CPXM2: variants seen among roughly 807,000 people sequenced by gnomAD.
CPXM2 encodes the protein carboxypeptidase X, M14 family member 2.
Under a neutral mutation model 86.1 loss-of-function variants are expected in CPXM2, and 66 were observed. The ratio of observed to expected loss-of-function variants is 0.77; its 90% confidence interval spans 0.63 to 0.94. The LOEUF is 0.94. Ranked by LOEUF, CPXM2 falls within the 40% of genes least tolerant of loss-of-function variation. The probability of loss-of-function intolerance (pLI) is 0.00; values close to 1 mark genes in which losing one functional copy is unlikely to be tolerated. For missense variants in CPXM2, 948 were observed against 1,026.3 expected (o/e 0.92, Z 1.04); for synonymous variants, 388 against 400.2 (o/e 0.97, Z 0.36).
At chr10:123,875,515 A>G (rs1419487902) in intron 2 of CPXM2, among the ~76,000 whole-genome samples, 5 of 152,224 alleles carry the variant, frequency 3.3e-5, no homozygotes, top group African/African-American at 9.7e-5. Context: ...GGAAGACCCA[A>G]CTTCGCCCCA....
chr10:123,862,861 G>A (rs559046729), intron 2 of CPXM2, 138 bp from the exon 3 acceptor site: 260 of 708,516 alleles, frequency 3.7e-4, no homozygotes, highest in Non-Finnish European at 5.7e-4. Flanking sequence ...TTCCAGACAC[G>A]GTTGATTGAA....
chr10:123,897,426 G>A (rs542113805), intron 2 of CPXM2, among the ~76,000 whole-genome samples: 17 of 152,242 alleles, frequency 1.1e-4, no homozygotes, highest in African/African-American at 4.1e-4. Flanking sequence ...ATTAACAAAT[G>A]ATCGAGTCAG....
At chr10:123,872,043 G>A (rs1944903302) in intron 2 of CPXM2, among the ~76,000 whole-genome samples, 1 of 152,166 alleles carries the variant, frequency 6.6e-6, no homozygotes, top group Non-Finnish European at 1.5e-5. Context: ...AATAAAGGCT[G>A]ACAATATCAA....
At chr10:123,903,616 TA>T (rs1202901171) in intron 2 of CPXM2, among the ~76,000 whole-genome samples, 2 of 152,200 alleles carry the variant, frequency 1.3e-5, no homozygotes, top group African/African-American at 2.4e-5. Flanking sequence ...CTCTCAGGGA[TA>T]GGGGAAGAGG....
At chr10:123,873,444 A>T (rs1944925732) in intron 2 of CPXM2, among the ~76,000 whole-genome samples, 1 of 152,224 alleles carries the variant, frequency 6.6e-6, no homozygotes, top group African/African-American at 2.4e-5. Flanking sequence ...TCCCAAATTG[A>T]TTCGTAAAAT....
At chr10:123,774,357 T>A (rs1564762486) in intron 7 of CPXM2, among the ~76,000 whole-genome samples, 1 of 152,244 alleles carries the variant, frequency 6.6e-6, no homozygotes, top group Non-Finnish European at 1.5e-5. Flanking sequence ...AACCGAATTA[T>A]CCATAAAATG....
intron 6 of CPXM2, among the ~76,000 whole-genome samples, chr10:123,783,898 T>C (rs1846991783): frequency 1.3e-5 from 2 of 152,182 alleles, no homozygotes; most frequent in South Asian, 2.1e-4. Flanking sequence ...ACCTTAGTTA[T>C]GTGGATCGAC....
At chr10:123,797,613 G>A (rs1847361082) in intron 6 of CPXM2, among the ~76,000 whole-genome samples, 1 of 65,728 alleles carries the variant, frequency 1.5e-5, no homozygotes, top group Non-Finnish European at 2.7e-5. Flanking sequence ...AGGGTGGAGT[G>A]TAGTGGTGCT....
chr10:123,781,199 C>G (rs144434020), intron 6 of CPXM2, among the ~76,000 whole-genome samples: 75 of 152,306 alleles, frequency 4.9e-4, no homozygotes, highest in African/African-American at 1.5e-3. Flanking sequence ...CGGGTATAAT[C>G]AGAATGTGTT....
intron 8 of CPXM2, among the ~76,000 whole-genome samples, chr10:123,770,274 C>CA (rs1443843205): frequency 1.3e-5 from 2 of 151,882 alleles, no homozygotes; most frequent in Non-Finnish European, 2.9e-5. Context: ...AACTCCATCT[C>CA]AAAAAACAAA....
upstream of CPXM2, among the ~76,000 whole-genome samples, chr10:123,892,410 C>T (rs1479606207): frequency 6.6e-6 from 1 of 152,138 alleles, no homozygotes; most frequent in Non-Finnish European, 1.5e-5. Flanking sequence ...CCAGGGGTCA[C>T]AAGAGGGTTT....
intron 2 of CPXM2, among the ~76,000 whole-genome samples, chr10:123,922,413 G>T (rs757309708): frequency 6.6e-6 from 1 of 152,148 alleles, no homozygotes; most frequent in Non-Finnish European, 1.5e-5. Context: ...AATGTTTCTG[G>T]ATGTAATGCA....
chr10:123,939,630 T>A (rs1458574857), intron 1 of CPXM2: 1 of 152,084 alleles, frequency 6.6e-6, no homozygotes, highest in Non-Finnish European at 1.5e-5. Flanking sequence ...CTCAGCGGGG[T>A]GTCTGGTGCA....
At position 123,923,580 on chromosome 10, in the gene CPXM2, C is replaced by CAA. The variant is rs774378580; in HGVS notation, n.174+15895_174+15896dup. Among the ~76,000 whole-genome samples the CAA allele has an allele frequency of 5.3e-4, 64 of 121,140 alleles. No homozygotes were observed. The East Asian group carries it at 9.0e-3, about 17-fold the overall frequency. The allele number at this position is 121,140 out of a possible 152,430, so 79.5% of individuals were successfully genotyped here. On this transcript the variant is annotated intron_variant and non_coding_transcript_variant, in intron 2 of 19. Coordinates refer to the CPXM2 transcript ENST00000368854. The stretch of plus-strand genomic sequence containing the variant: ...TGGGCGACAGAGCGAGACTCCGTCT[C>CAA]AAAAAAAAAAAAAAGAAATAAACAT...
chr10:123,915,556 A>AT (rs11397163), intron 2 of CPXM2, among the ~76,000 whole-genome samples: 53,318 of 151,798 alleles, frequency 0.35, 9,760 homozygotes, highest in Middle Eastern at 0.55. Flanking sequence ...AGATTGTCAA[A>AT]AAAAATAAAA....
chr10:123,856,167 C>T (rs1590070934), intron 3 of CPXM2, among the ~76,000 whole-genome samples: 1 of 152,196 alleles, frequency 6.6e-6, no homozygotes, highest in Non-Finnish European at 1.5e-5. Flanking sequence ...AGTCGGTCCC[C>T]AGTTATAGGC....
At chr10:123,802,527 CCACA>C (rs1847483024) in intron 4 of CPXM2, among the ~76,000 whole-genome samples, 1 of 152,182 alleles carries the variant, frequency 6.6e-6, no homozygotes, top group Non-Finnish European at 1.5e-5. Context: ...AGAACAGACA[CCACA>C]ATTTATTTAT....
upstream of CPXM2, among the ~76,000 whole-genome samples, chr10:123,893,863 A>G (rs1465301918): frequency 6.6e-6 from 1 of 152,202 alleles, no homozygotes; most frequent in East Asian, 1.9e-4. Context: ...GGCCAGAGGG[A>G]CTGCAGAGGC....
intron 3 of CPXM2, 77 bp from the exon 4 acceptor site, chr10:123,842,565 G>A: frequency 7.1e-7 from 1 of 1,413,428 alleles, no homozygotes; most frequent in Non-Finnish European, 9.8e-7. Flanking sequence ...TCCTGAGGCT[G>A]AGAGGAAGGG....
Sources: allele counts gnomAD v4.1 joint callset (sites outside exome capture counted in the v4.1 genomes callset), GRCh38; gene constraint gnomAD v4.1.1; transcripts MANE v1.5; gene names NCBI Gene and HGNC (gene_info 2026-07-23, HGNC 2026-07-21).